The following PPFIA2 variants were observed in gnomAD, a reference collection of about 807,000 sequenced individuals.
PPFIA2 encodes the protein liprin-alpha-2.
PPFIA2 carries 46 observed loss-of-function variants against 175.5 expected under a neutral mutation model. That is an observed-to-expected ratio of 0.26 (90% CI 0.21 to 0.34). PPFIA2 has a LOEUF of 0.34. Among genes scored for constraint, PPFIA2 ranks in the 10% least tolerant of loss-of-function variants. The pLI is 1.00. For synonymous variants in PPFIA2, 568 were observed against 511.4 expected, an observed-to-expected ratio of 1.11 and a Z score of -1.49; for missense variants, 1,179 against 1,506.1, an observed-to-expected ratio of 0.78 and a Z score of 3.60.
At chr12:81,704,497 T>C (rs554545715) in intron 3 of PPFIA2, among the ~76,000 whole-genome samples, 1 of 152,156 alleles carries the variant, frequency 6.6e-6, no homozygotes, top group African/African-American at 2.4e-5. Flanking sequence ...CTGTGAAATA[T>C]GTAATAAAAC....
chr12:81,758,578 C>G (rs905622332), intron 1 of PPFIA2, 71 bp from the exon 2 acceptor site: 1 of 367,536 alleles, frequency 2.7e-6, no homozygotes, highest in African/African-American at 2.1e-5. Context: ...GTGCCCCGGC[C>G]CGGTGGCGTG....
intron 27 of PPFIA2, among the ~76,000 whole-genome samples, chr12:81,278,055 G>A (rs959518090): frequency 2.4e-4 from 36 of 152,106 alleles, no homozygotes; most frequent in Non-Finnish European, 4.4e-5. Context: ...GATTGCAGAT[G>A]GAAATTTAAA....
intron 4 of PPFIA2, among the ~76,000 whole-genome samples, chr12:81,581,873 G>A (rs1163828569): frequency 7.9e-5 from 12 of 151,822 alleles, no homozygotes; most frequent in African/African-American, 2.9e-4. Flanking sequence ...CAACTGAATG[G>A]TGTTTTAAAA....
intron 4 of PPFIA2, among the ~76,000 whole-genome samples, chr12:81,634,186 T>C (rs776039900): frequency 3.0e-4 from 45 of 152,104 alleles, no homozygotes; most frequent in Admixed American, 1.3e-4. Context: ...TCTGTATAAT[T>C]GGTTAGTTTG....
At chr12:81,642,524 CA>C (rs1012939572) in intron 4 of PPFIA2, among the ~76,000 whole-genome samples, 1 of 149,394 alleles carries the variant, frequency 6.7e-6, no homozygotes, top group Non-Finnish European at 1.5e-5. Context: ...GTCCTTAGTA[CA>C]GTGTTACAAT....
chr12:81,264,157 C>A (rs2036504085), intron 30 of PPFIA2, among the ~76,000 whole-genome samples: 1 of 152,146 alleles, frequency 6.6e-6, no homozygotes, highest in African/African-American at 2.4e-5. Flanking sequence ...TATCAGGAAG[C>A]AACATCATAC....
chr12:81,715,975 A>T (rs1251454953), intron 3 of PPFIA2, among the ~76,000 whole-genome samples: 1 of 151,552 alleles, frequency 6.6e-6, no homozygotes, highest in Non-Finnish European at 1.5e-5. Flanking sequence ...GAATAAATTT[A>T]TTAAATTTTC....
Position 81,449,547 on chromosome 12 carries a change from G to A in PPFIA2, c.406-3827C>T, listed in dbSNP as rs552264728. 3.3e-5 allele frequency among the ~76,000 whole-genome samples: 5 copies of A among 150,904 alleles called. 1 individual carries two copies. The highest frequency in any genetic ancestry group is 1.2e-4 in the African/African-American group (5 of 41,194). ...CAGTGAAAAGAGTAATGCAATTGATGGGTGCTCCCAGGGACCCCGGATTTT... is the reference window on the plus strand; with the variant it reads ...CAGTGAAAAGAGTAATGCAATTGATAGGTGCTCCCAGGGACCCCGGATTTT... On this transcript the variant is annotated intron_variant, in intron 5 of 32. Transcript: ENST00000549396.
rs536357183 is a variant in PPFIA2 at position 81,561,512 on chromosome 12, C to A, written c.304-103646G>T. The stretch of plus-strand genomic sequence containing the variant: ...GCCAGGGTAATACAGGAGGGAGTCC[C>A]CCCCCAAAAAAAACGTTAAGCAAAT... On this transcript the variant is annotated intron_variant, in intron 4 of 32. Transcript: ENST00000549396. Among the ~76,000 whole-genome samples the A allele has an allele frequency of 4.3e-4, 66 of 151,932 alleles. 1 individual carries two copies. In the South Asian group the frequency reaches 0.012, roughly 28 times the overall value.
chr12:81,484,883 GT>G (rs1218388595), intron 4 of PPFIA2, among the ~76,000 whole-genome samples: 2 of 151,690 alleles, frequency 1.3e-5, no homozygotes, highest in Non-Finnish European at 2.9e-5. Context: ...GTTTTAAAAT[GT>G]TTTCTTTCTT....
chr12:81,457,016 AT>A (rs201521272), intron 5 of PPFIA2, among the ~76,000 whole-genome samples: 2 of 142,982 alleles, frequency 1.4e-5, no homozygotes. Context: ...TATTATTATT[AT>A]TTTTTTGAGA....
chr12:81,654,684 C>G (rs2067513164), intron 4 of PPFIA2, among the ~76,000 whole-genome samples: 1 of 152,082 alleles, frequency 6.6e-6, no homozygotes. Flanking sequence ...CACACCAGCA[C>G]CTTAATTGCA....
At chr12:81,439,639 T>A (rs2049790105) in intron 7 of PPFIA2, among the ~76,000 whole-genome samples, 1 of 152,142 alleles carries the variant, frequency 6.6e-6, no homozygotes, top group Admixed American at 6.5e-5. Flanking sequence ...ATTTTCTAAG[T>A]TTAACAGTTA....
At chr12:81,493,752 G>C (rs5004209) in intron 4 of PPFIA2, among the ~76,000 whole-genome samples, 1,514 of 65,020 alleles carry the variant, frequency 0.023, 7 homozygotes, top group Non-Finnish European at 0.029. Flanking sequence ...GTGTGTGTGT[G>C]TCTATATATA....
intron 5 of PPFIA2, among the ~76,000 whole-genome samples, chr12:81,453,402 C>T (rs1002881473): frequency 7.2e-5 from 11 of 152,068 alleles, no homozygotes; most frequent in African/African-American, 2.7e-4. Context: ...TTTTCTTTAC[C>T]TCTTCATTAG....
intron 4 of PPFIA2, among the ~76,000 whole-genome samples, chr12:81,655,369 CT>C (rs1272952860): frequency 6.6e-6 from 1 of 151,088 alleles, no homozygotes; most frequent in African/African-American, 2.4e-5. Flanking sequence ...TCCCTAGGTT[CT>C]TAGATTAAAT....
intron 9 of PPFIA2, among the ~76,000 whole-genome samples, chr12:81,380,068 T>G (rs1468506850): frequency 6.6e-6 from 1 of 152,170 alleles, no homozygotes; most frequent in Non-Finnish European, 1.5e-5. Context: ...ACGAGCTTAT[T>G]TTTTTCTACT....
intron 24 of PPFIA2, among the ~76,000 whole-genome samples, chr12:81,291,004 G>A (rs2044805012): frequency 6.6e-6 from 1 of 151,458 alleles, no homozygotes; most frequent in East Asian, 1.9e-4. Flanking sequence ...TGAAGAAAAT[G>A]CTTACACTAC....
chr12:81,350,588 A>C (rs1024299065), intron 17 of PPFIA2: 4 of 152,244 alleles, frequency 2.6e-5, no homozygotes, highest in Non-Finnish European at 5.9e-5. Flanking sequence ...GGAACTAGAA[A>C]GTAGGCAAGG....
Sources: gnomAD v4.1 joint callset for allele counts (sites outside exome capture counted in the v4.1 genomes callset) on GRCh38, gnomAD v4.1.1 for gene constraint, MANE v1.5 for transcripts, NCBI Gene and HGNC (gene_info 2026-07-23, HGNC 2026-07-21) for gene names.